The following ANKS1B variants were observed in gnomAD, a reference collection of about 807,000 sequenced individuals.
ANKS1B encodes the protein ankyrin repeat and sterile alpha motif domain-containing protein 1B.
In ANKS1B, 36 loss-of-function variants were observed where a neutral mutation model predicts 148.3. That is an observed-to-expected ratio of 0.24 (90% CI 0.19 to 0.32). The LOEUF (loss-of-function observed/expected upper bound fraction) is 0.32. ANKS1B is among the 10% of genes least tolerant of loss of function. The pLI is 1.00. For missense variants in ANKS1B, 1,157 were observed against 1,542.6 expected (o/e 0.75, Z 4.19); for synonymous variants, 542 against 560.8 (o/e 0.97, Z 0.47).
intron 8 of ANKS1B, among the ~76,000 whole-genome samples, chr12:99,715,467 G>T (rs1464990923): frequency 6.6e-6 from 1 of 151,926 alleles, no homozygotes; most frequent in East Asian, 1.9e-4. Context: ...CTTATAAAAC[G>T]GCCCCACCCC....
chr12:99,730,156 G>A (rs531295308), intron 8 of ANKS1B, among the ~76,000 whole-genome samples: 3 of 152,198 alleles, frequency 2.0e-5, no homozygotes, highest in African/African-American at 7.2e-5. Context: ...TGCTTAAATT[G>A]TTCTATAGAC....
At chr12:99,161,854 G>A (rs2076687973) in intron 14 of ANKS1B, among the ~76,000 whole-genome samples, 1 of 152,120 alleles carries the variant, frequency 6.6e-6, no homozygotes, top group South Asian at 2.1e-4. Context: ...ATAGACAACA[G>A]AAAGATTAGG....
intron 9 of ANKS1B, among the ~76,000 whole-genome samples, chr12:99,606,123 T>C (rs1175026805): frequency 2.0e-5 from 3 of 152,070 alleles, no homozygotes; most frequent in African/African-American, 7.2e-5. Flanking sequence ...CTTGGCCATT[T>C]GTATGTCTTC....
chr12:98,785,517 T>C (rs2098784295), intron 22 of ANKS1B, among the ~76,000 whole-genome samples: 1 of 152,032 alleles, frequency 6.6e-6, no homozygotes, highest in African/African-American at 2.4e-5. Flanking sequence ...ATCAAAGTTA[T>C]TGAGTCTTCA....
At chr12:99,364,655 G>A (rs1255363933) in intron 12 of ANKS1B, among the ~76,000 whole-genome samples, 1 of 152,186 alleles carries the variant, frequency 6.6e-6, no homozygotes, top group African/African-American at 2.4e-5. Flanking sequence ...ATGAACGCAA[G>A]TCATTCCCAG....
At chr12:99,914,663 T>C (rs867416656) in intron 1 of ANKS1B, among the ~76,000 whole-genome samples, 2 of 151,996 alleles carry the variant, frequency 1.3e-5, no homozygotes, top group African/African-American at 4.8e-5. Context: ...CCAGCAGGTC[T>C]CCCATCAGGG....
intron 12 of ANKS1B, among the ~76,000 whole-genome samples, chr12:99,289,407 T>C (rs925232177): frequency 6.6e-6 from 1 of 152,076 alleles, no homozygotes; most frequent in African/African-American, 2.4e-5. Context: ...ATCTATACTA[T>C]AGAACAAATG....
Position 99,655,080 on chromosome 12 carries a change from G to A in ANKS1B, c.1259C>T (p.Pro420Leu). The A allele has an allele frequency of 1.3e-6, 2 of 1,580,630 alleles. No individual in the cohort carries two copies. Among genetic ancestry groups the A allele is most frequent in the East Asian group, 2.3e-5 (1 of 44,348 alleles). ...PCNGCRNLGF[P>L]MLAQESYPKK... ...GCAAACTTTTACCTGGGCAAGCATG[G>A]GGAAGCCAAGGTTCCTACATCCATT... Residue 420 changes from proline (P) to leucine (L), a missense_variant, in exon 9 of 27, where the codon CCC (proline) becomes CTC (leucine). Physicochemically the swap from Pro to Leu is moderately conservative, Grantham distance 98 (BLOSUM62 -3). Transcript: ENST00000683438.
chr12:99,139,926 G>A (rs1241157075), intron 15 of ANKS1B, among the ~76,000 whole-genome samples: 1 of 152,126 alleles, frequency 6.6e-6, no homozygotes, highest in African/African-American at 2.4e-5. Context: ...ACATGCTAAA[G>A]GATAAAAGAT....
chr12:99,679,057 A>T (rs924589228), intron 8 of ANKS1B, among the ~76,000 whole-genome samples: 1 of 152,218 alleles, frequency 6.6e-6, no homozygotes. Flanking sequence ...CACTGAAGAA[A>T]AGTAATTTTG....
chr12:99,104,621 G>C (rs918426752), intron 15 of ANKS1B: 4 of 152,188 alleles, frequency 2.6e-5, no homozygotes, highest in African/African-American at 9.7e-5. Flanking sequence ...GCAAATAGTG[G>C]ATGCCAAATA....
At chr12:99,238,029 C>T (rs1280453905) in intron 14 of ANKS1B, among the ~76,000 whole-genome samples, 1 of 152,200 alleles carries the variant, frequency 6.6e-6, no homozygotes, top group African/African-American at 2.4e-5. Context: ...GTACCTGGTT[C>T]ATCTCATTGA....
At chr12:98,818,461 T>C (rs1027133611) in intron 19 of ANKS1B, among the ~76,000 whole-genome samples, 40 of 152,324 alleles carry the variant, frequency 2.6e-4, no homozygotes, top group African/African-American at 9.4e-4. Flanking sequence ...GCATTGCCTG[T>C]ACAATCCAGC....
intron 16 of ANKS1B, among the ~76,000 whole-genome samples, chr12:99,055,700 C>T (rs2099969210): frequency 7.0e-6 from 1 of 143,506 alleles, no homozygotes; most frequent in African/African-American, 2.6e-5. Context: ...AAGTGCCAGT[C>T]CCTTAGGGGA....
At chr12:99,518,139 T>C (rs116948003) in intron 9 of ANKS1B, among the ~76,000 whole-genome samples, 1 of 152,258 alleles carries the variant, frequency 6.6e-6, no homozygotes, top group Non-Finnish European at 1.5e-5. Context: ...TGTTGAGGAT[T>C]TTTGCATTAA....
At chr12:98,947,827 C>T (rs1392272050) in intron 17 of ANKS1B, among the ~76,000 whole-genome samples, 2 of 152,132 alleles carry the variant, frequency 1.3e-5, no homozygotes, top group African/African-American at 4.8e-5. Flanking sequence ...GATGTGATGA[C>T]GATATCCCTC....
intron 16 of ANKS1B, among the ~76,000 whole-genome samples, chr12:99,076,149 G>C (rs2372637): frequency 0.56 from 84,671 of 151,766 alleles, 24,655 homozygotes; most frequent in East Asian, 0.74. Context: ...TAATAGAATA[G>C]AGGCTGGGTT....
intron 1 of ANKS1B, among the ~76,000 whole-genome samples, chr12:99,909,034 G>A (rs754979195): frequency 8.7e-5 from 13 of 149,050 alleles, no homozygotes; most frequent in South Asian, 2.2e-4. Context: ...CCAGGCCCTA[G>A]TAACCACCAT....
chr12:98,761,809 A>C (rs957168244), intron 25 of ANKS1B, among the ~76,000 whole-genome samples: 18 of 152,316 alleles, frequency 1.2e-4, no homozygotes, highest in Non-Finnish European at 2.5e-4. Flanking sequence ...AATATGACGA[A>C]GGAGTAAGGA....
Sources: gnomAD v4.1 joint callset for allele counts (sites outside exome capture counted in the v4.1 genomes callset) on GRCh38, gnomAD v4.1.1 for gene constraint, MANE v1.5 for transcripts, NCBI Gene and HGNC (gene_info 2026-07-23, HGNC 2026-07-21) for gene names.